The following IGSF23 variants were observed in gnomAD, a reference collection of about 807,000 sequenced individuals.
IGSF23 encodes the protein immunoglobulin superfamily member 23, also known as immunoglobulin superfamily, member 23.
IGSF23 carries 14 observed loss-of-function variants against 17.8 expected under a neutral mutation model. The observed-to-expected ratio is 0.79, with a 90% CI of 0.52 to 1.23. The LOEUF (loss-of-function observed/expected upper bound fraction) is 1.23, where lower values mean the gene tolerates loss of function less well. IGSF23 is among the 50% of genes most tolerant of loss of function. IGSF23 has a pLI of 0.00. For missense variants in IGSF23, 214 were observed against 241.7 expected (o/e 0.89, Z 0.76); for synonymous variants, 85 against 92.5 (o/e 0.92, Z 0.46).
chr19:44,628,663 G>T (rs1972706130), intron 3 of IGSF23, among the ~76,000 whole-genome samples: 1 of 152,090 alleles, frequency 6.6e-6, no homozygotes, highest in African/African-American at 2.4e-5. Flanking sequence ...GAGATGGGAG[G>T]ATCACCTGAG....
At chr19:44,627,763 G>A (rs1410306925) in intron 3 of IGSF23, among the ~76,000 whole-genome samples, 190 bp downstream of exon 3, 1 of 152,118 alleles carries the variant, frequency 6.6e-6, no homozygotes, top group East Asian at 1.9e-4. Context: ...GATAGAAGAG[G>A]ACACTAGAGC....
chr19:44,613,650 G>A lies in IGSF23; in HGVS notation c.5G>A (p.Arg2Lys). 6.5e-7 allele frequency: 1 copy of A among 1,547,742 alleles called. No homozygotes were observed. Among genetic ancestry groups the A allele is most frequent in the Non-Finnish European group, 8.7e-7 (1 of 1,145,216 alleles). The change falls in exon 1 of 5, where the codon AGA (arginine) becomes AAA (lysine). Residue 2 changes from arginine to lysine, a missense_variant. Physicochemically the swap from Arg to Lys is conservative, Grantham distance 26. Coordinates refer to ENST00000402988, the MANE Select transcript of IGSF23 (RefSeq NM_001205280.2). The part of the protein sequence containing the change: M[R>K]AKPQSPLPRN... ...CGGGGATTGTACGGTGAGAGAATGAGAGCAAAACCTCAGAGCCCCCTTCCC... is the reference window on the plus strand; with the variant it reads ...CGGGGATTGTACGGTGAGAGAATGAAAGCAAAACCTCAGAGCCCCCTTCCC...
rs16979313 is a variant in IGSF23, at chr19:44,617,632, T to G, written c.125+3862T>G. 4.1e-3 allele frequency among the ~76,000 whole-genome samples: 624 copies of G among 152,316 alleles called. 4 individuals are homozygous for G. The highest frequency in any genetic ancestry group is 0.013 in the African/African-American group (542 of 41,574). The stretch of plus-strand genomic sequence containing the variant: ...CAAACATTATGTCACCCTTTAAAAA[T>G]GTACCATTCACATTGATTTATAACC... On this transcript the variant is annotated intron_variant, in intron 1 of 4. Transcript: ENST00000402988.
chr19:44,626,841 G>C (rs1319817931), intron 2 of IGSF23, among the ~76,000 whole-genome samples: 1 of 151,306 alleles, frequency 6.6e-6, no homozygotes, highest in Non-Finnish European at 1.5e-5. Flanking sequence ...AGAATTACTG[G>C]AACCCAGGAG....
chr19:44,619,520 T>C (rs756383246), intron 1 of IGSF23, among the ~76,000 whole-genome samples: 11 of 152,234 alleles, frequency 7.2e-5, no homozygotes, highest in Non-Finnish European at 1.5e-4. Flanking sequence ...TTTTAGAAGA[T>C]AGTCCAGAGA....
In IGSF23 at chr19:44,616,854, T is replaced by C. The variant is rs1222984617; in HGVS notation, c.125+3084T>C. Among the ~76,000 whole-genome samples, 6 of 150,658 alleles carry C rather than the reference T, an allele frequency of 4.0e-5. No individual in the cohort carries two copies. In the East Asian group the frequency reaches 1.2e-3, roughly 29 times the overall value. ...AAATAAATATATATATATGAGTATA[T>C]ATGAGTAATACCATATATGTAGAGA... On this transcript the variant is annotated intron_variant, in intron 1 of 4. Transcript: ENST00000402988.
At chr19:44,623,616 G>T (rs1304472732) in intron 1 of IGSF23, 91 bp from the exon 2 acceptor site, 2 of 1,254,662 alleles carry the variant, frequency 1.6e-6, no homozygotes, top group Non-Finnish European at 2.2e-6. Context: ...ACACATGAAA[G>T]AATGGATGTC....
chr19:44,625,531 C>T (rs1346813245), intron 2 of IGSF23, among the ~76,000 whole-genome samples: 1 of 152,126 alleles, frequency 6.6e-6, no homozygotes, highest in Non-Finnish European at 1.5e-5. Context: ...CCTCTCTGAG[C>T]CCCAGTTTCC....
chr19:44,616,501 T>A (rs1271293869), intron 1 of IGSF23, among the ~76,000 whole-genome samples: 1 of 151,838 alleles, frequency 6.6e-6, no homozygotes, highest in Non-Finnish European at 1.5e-5. Flanking sequence ...ATTGAGACCA[T>A]CCTGGCCGAC....
At chr19:44,626,920 C>CAA (rs35293009) in intron 2 of IGSF23, among the ~76,000 whole-genome samples, 329 of 103,782 alleles carry the variant, frequency 3.2e-3, no homozygotes, top group Admixed American at 0.011. Flanking sequence ...GACTCTGTCT[C>CAA]AAAAAAAAAA....
intron 1 of IGSF23, among the ~76,000 whole-genome samples, chr19:44,621,076 G>A (rs1241795840): frequency 6.6e-6 from 1 of 152,014 alleles, no homozygotes; most frequent in African/African-American, 2.4e-5. Context: ...GAGCTCAGAA[G>A]TTCGAGACCA....
chr19:44,617,485 A>C (rs1972410254), intron 1 of IGSF23, among the ~76,000 whole-genome samples: 1 of 152,218 alleles, frequency 6.6e-6, no homozygotes, highest in Non-Finnish European at 1.5e-5. Context: ...CAATTTAGCC[A>C]TTCCACAATG....
At position 44,627,450 on chromosome 19, in the gene IGSF23, C is replaced by A. The variant is rs1403769474; in HGVS notation, c.422C>A (p.Pro141His). ...ATCATGCAGCCCACAGAAGCAGAGC[C>A]CATGGAGCCAGACCCCACTCTGTCC... is the stretch of plus-strand genomic sequence containing the variant. The part of the protein sequence containing the change: ...KPIMQPTEAE[P>H]MEPDPTLSLS... Residue 141 changes from proline (P) to histidine (H), a missense_variant, in exon 3 of 5, where the codon CCC becomes CAC. Pro to His is a moderately conservative substitution (Grantham distance 77). Transcript: ENST00000402988. The A allele has an allele frequency of 1.9e-6, 3 of 1,548,858 alleles. No homozygotes were observed. The highest frequency in any genetic ancestry group is 2.6e-6 in the Non-Finnish European group (3 of 1,145,836).
At chr19:44,634,276 C>T (rs1368330786) in intron 3 of IGSF23, among the ~76,000 whole-genome samples, 2 of 152,224 alleles carry the variant, frequency 1.3e-5, no homozygotes, top group Non-Finnish European at 2.9e-5. Flanking sequence ...TAGAGTGACA[C>T]TGATTAGCCC....
intron 3 of IGSF23, among the ~76,000 whole-genome samples, chr19:44,631,145 T>C (rs1222234921): frequency 6.6e-6 from 1 of 151,284 alleles, no homozygotes; most frequent in African/African-American, 2.4e-5. Context: ...CACATGCTTG[T>C]GGTTCCAGCT....
intron 1 of IGSF23, among the ~76,000 whole-genome samples, chr19:44,621,509 G>A (rs111624380): frequency 0.031 from 4,625 of 150,340 alleles, 81 homozygotes; most frequent in Non-Finnish European, 0.044. Context: ...ATGTAGTGGC[G>A]CACGCCTGTA....
intron 1 of IGSF23, among the ~76,000 whole-genome samples, chr19:44,616,084 T>A (rs1972368745): frequency 6.6e-6 from 1 of 152,148 alleles, no homozygotes. Context: ...ATACAAAATG[T>A]TCTCTTGATA....
intron 1 of IGSF23, among the ~76,000 whole-genome samples, chr19:44,614,711 C>T (rs1162518840): frequency 2.6e-5 from 4 of 152,106 alleles, no homozygotes; most frequent in African/African-American, 7.2e-5. Flanking sequence ...GGATTACAGG[C>T]GTGAGCCACT....
At chr19:44,627,904 C>T (rs1461685293) in intron 3 of IGSF23, among the ~76,000 whole-genome samples, 1 of 151,560 alleles carries the variant, frequency 6.6e-6, no homozygotes, top group Non-Finnish European at 1.5e-5. Context: ...ATCTGACTCT[C>T]TGGGTTGTTG....
Sources: allele counts gnomAD v4.1 joint callset (sites outside exome capture counted in the v4.1 genomes callset), GRCh38; gene constraint gnomAD v4.1.1; transcripts MANE v1.5; gene names NCBI Gene and HGNC (gene_info 2026-07-23, HGNC 2026-07-21).